The following WWOX variants were observed in gnomAD, a reference collection of about 807,000 sequenced individuals.
WWOX encodes the protein WW domain containing oxidoreductase, also known as WW domain-containing oxidoreductase.
In WWOX, 69 loss-of-function variants were observed where a neutral mutation model predicts 46.2. The ratio of observed to expected loss-of-function variants is 1.49; its 90% confidence interval spans 1.23 to 1.82. WWOX has a LOEUF of 1.82. Among genes scored for constraint, WWOX ranks in the 40% most tolerant of loss-of-function variants. The pLI, the probability that WWOX is intolerant of heterozygous loss-of-function variation, is 0.00. For synonymous variants in WWOX, 359 were observed against 202.6 expected (o/e 1.77, Z -6.56); for missense variants, 919 against 542.6 (o/e 1.69, Z -6.89).
chr16:79,102,001 C>G (rs116306919), intron 8 of WWOX, among the ~76,000 whole-genome samples: 2,919 of 140,480 alleles, frequency 0.021, 119 homozygotes, highest in African/African-American at 0.074. Context: ...TCTTCCTCCT[C>G]CCAGCAGATG....
chr16:78,292,674 T>G (rs927217769), intron 5 of WWOX, among the ~76,000 whole-genome samples: 1 of 152,172 alleles, frequency 6.6e-6, no homozygotes, highest in Non-Finnish European at 1.5e-5. Flanking sequence ...TATTTACATG[T>G]TGGAGCAATT....
intron 8 of WWOX, chr16:78,551,990 C>T (rs2044185267): frequency 6.6e-6 from 1 of 152,256 alleles, no homozygotes; most frequent in Non-Finnish European, 1.5e-5. Flanking sequence ...GCTGTGTTAA[C>T]AGAACTGGCT....
intron 4 of WWOX, chr16:78,123,461 TTTTTTTGTTTTTTTG>T (rs2033218594): frequency 1.0e-5 from 1 of 99,078 alleles, no homozygotes; most frequent in African/African-American, 5.0e-5. Flanking sequence ...TTTTGTTTTT[TTTTTTTGTTTTTTTG>T]AGATGAAGTC....
intron 8 of WWOX, among the ~76,000 whole-genome samples, chr16:78,706,649 A>T (rs773518095): frequency 2.0e-5 from 3 of 152,180 alleles, no homozygotes; most frequent in Non-Finnish European, 2.9e-5. Flanking sequence ...CAACATTGAA[A>T]ACTTATCCAG....
At chr16:78,735,349 C>G (rs1324290456) in intron 8 of WWOX, among the ~76,000 whole-genome samples, 3 of 150,520 alleles carry the variant, frequency 2.0e-5, no homozygotes, top group Non-Finnish European at 4.4e-5. Context: ...ATCAGGTTCT[C>G]CAGAGAATCA....
intron 8 of WWOX, among the ~76,000 whole-genome samples, chr16:78,724,505 T>C (rs118091225): frequency 0.011 from 1,716 of 152,308 alleles, 15 homozygotes; most frequent in South Asian, 0.034. Flanking sequence ...GTTACTGATA[T>C]TATTATAGTT....
At chr16:78,946,147 T>C (rs2045944370) in intron 8 of WWOX, among the ~76,000 whole-genome samples, 1 of 152,198 alleles carries the variant, frequency 6.6e-6, no homozygotes, top group Admixed American at 6.5e-5. Context: ...CCTACAAGAA[T>C]GCCGAGACAC....
At chr16:78,737,288 A>G (rs1158404773) in intron 8 of WWOX, among the ~76,000 whole-genome samples, 1 of 149,832 alleles carries the variant, frequency 6.7e-6, no homozygotes, top group African/African-American at 2.5e-5. Context: ...ATATGTGTAT[A>G]TATATGTATA....
intron 8 of WWOX, among the ~76,000 whole-genome samples, chr16:78,887,695 T>C (rs1489163073): frequency 2.6e-5 from 4 of 152,186 alleles, no homozygotes; most frequent in Non-Finnish European, 5.9e-5. Flanking sequence ...CCAGGTCTTT[T>C]AAAGATAGTG....
intron 8 of WWOX, among the ~76,000 whole-genome samples, chr16:78,979,547 G>A (rs559219456): frequency 6.6e-6 from 1 of 152,256 alleles, no homozygotes; most frequent in African/African-American, 2.4e-5. Flanking sequence ...AGCTAGCGAT[G>A]GCTAAGGCTC....
intron 8 of WWOX, among the ~76,000 whole-genome samples, chr16:79,116,958 A>T (rs1478275649): frequency 1.3e-5 from 2 of 152,174 alleles, no homozygotes; most frequent in Admixed American, 1.3e-4. Context: ...TGGGCATTGT[A>T]TTAGCAGGCA....
chr16:79,054,492 G>T (rs1198764007), intron 8 of WWOX, among the ~76,000 whole-genome samples: 2 of 152,034 alleles, frequency 1.3e-5, no homozygotes, highest in Non-Finnish European at 2.9e-5. Context: ...TTTAATCAGG[G>T]GAATACATTA....
chr16:78,790,552 C>G (rs990237470), intron 8 of WWOX, among the ~76,000 whole-genome samples: 2 of 152,194 alleles, frequency 1.3e-5, no homozygotes, highest in African/African-American at 4.8e-5. Context: ...CTACCGTGGA[C>G]AACCCTATTT....
At chr16:78,664,567 G>A (rs1187311245) in intron 8 of WWOX, among the ~76,000 whole-genome samples, 1 of 152,204 alleles carries the variant, frequency 6.6e-6, no homozygotes, top group African/African-American at 2.4e-5. Flanking sequence ...AATGTGAGCA[G>A]AGTGAAGAGC....
At chr16:78,334,997 T>A (rs2080854695) in intron 5 of WWOX, among the ~76,000 whole-genome samples, 1 of 151,138 alleles carries the variant, frequency 6.6e-6, no homozygotes, top group East Asian at 1.9e-4. Context: ...AGACCAGAGG[T>A]TCCCCAAGTA....
intron 5 of WWOX, among the ~76,000 whole-genome samples, chr16:78,217,411 C>T (rs1567435132): frequency 1.3e-5 from 2 of 152,110 alleles, no homozygotes; most frequent in African/African-American, 4.8e-5. Flanking sequence ...TAGAAATAGC[C>T]TTTGTGTGAT....
Position 79,145,529 on chromosome 16 carries a change from C to T in WWOX, c.1057-66079C>T, listed in dbSNP as rs142179488. Among the ~76,000 whole-genome samples the T allele has an allele frequency of 5.5e-3, 843 of 152,176 alleles. 6 individuals carry two copies. Among genetic ancestry groups the T allele is most frequent in the Middle Eastern group, 0.041 (12 of 292 alleles). On this transcript the variant is annotated intron_variant, in intron 8 of 8. Transcript: ENST00000566780. ...CAAATATTATTCCAAACTGTAAAAT[C>T]GTGAAATGTTTTCCATTAGAATCAG... is the stretch of plus-strand genomic sequence containing the variant.
rs79435012 is a variant in WWOX at position 78,548,567 on chromosome 16, C to A, written c.1056+115815C>A. Among the ~76,000 whole-genome samples the A allele has an allele frequency of 3.5e-3, 526 of 152,304 alleles. 3 individuals are homozygous for A. Among genetic ancestry groups the A allele is most frequent in the African/African-American group, 0.012 (498 of 41,548 alleles). On this transcript the variant is annotated intron_variant, in intron 8 of 8. Coordinates refer to ENST00000566780, the MANE Select transcript of WWOX (RefSeq NM_016373.4). Reference sequence around the variant, plus strand: ...TTGGATGAATCATATTTTTAACTTTCACTTCCCATCAATTTAAACATCATC... The same window carrying A: ...TTGGATGAATCATATTTTTAACTTTAACTTCCCATCAATTTAAACATCATC...
At chr16:79,176,794 C>T (rs2050808769) in intron 8 of WWOX, among the ~76,000 whole-genome samples, 1 of 152,070 alleles carries the variant, frequency 6.6e-6, no homozygotes, top group African/African-American at 2.4e-5. Context: ...TGAGCCTTGG[C>T]ATTTGTAAGG....
Sources: gnomAD v4.1 joint callset for allele counts (sites outside exome capture counted in the v4.1 genomes callset) on GRCh38, gnomAD v4.1.1 for gene constraint, MANE v1.5 for transcripts, NCBI Gene and HGNC (gene_info 2026-07-23, HGNC 2026-07-21) for gene names.